The following MAGI1 variants were observed in gnomAD, a reference collection of about 807,000 sequenced individuals.
The protein encoded by MAGI1 is membrane-associated guanylate kinase, WW and PDZ domain-containing protein 1.
In MAGI1, 58 loss-of-function variants were observed where a neutral mutation model predicts 139.9. That is an observed-to-expected ratio of 0.41 (90% confidence interval 0.34 to 0.52). The LOEUF (loss-of-function observed/expected upper bound fraction) is 0.52. Among genes scored for constraint, MAGI1 ranks in the 20% least tolerant of loss-of-function variants. The pLI, the probability that MAGI1 is intolerant of heterozygous loss-of-function variation, is 0.12. For missense variants in MAGI1, 1,874 were observed against 1,901.6 expected (o/e 0.99, Z 0.27); for synonymous variants, 812 against 737.9 (o/e 1.10, Z -1.63).
At chr3:65,866,920 C>T (rs529765205) in intron 1 of MAGI1, among the ~76,000 whole-genome samples, 1 of 152,308 alleles carries the variant, frequency 6.6e-6, no homozygotes, top group South Asian at 2.1e-4. Context: ...GGTCAATCAG[C>T]TGGACTGCTG....
At chr3:65,532,263 C>A (rs943500209) in intron 2 of MAGI1, among the ~76,000 whole-genome samples, 8 of 152,184 alleles carry the variant, frequency 5.3e-5, no homozygotes, top group African/African-American at 1.9e-4. Context: ...GATCTCACTC[C>A]TGCTTTCTTC....
At chr3:65,483,600 C>T (rs969080648) in intron 3 of MAGI1, among the ~76,000 whole-genome samples, 3 of 152,216 alleles carry the variant, frequency 2.0e-5, no homozygotes, top group Non-Finnish European at 2.9e-5. Flanking sequence ...TGCACAGTGT[C>T]TAGGAGCCGT....
intron 1 of MAGI1, among the ~76,000 whole-genome samples, chr3:65,957,460 G>A (rs569203079): frequency 2.7e-5 from 4 of 146,870 alleles, no homozygotes; most frequent in Non-Finnish European, 5.9e-5. Flanking sequence ...GGTGGAGGCT[G>A]CAATAAGCCA....
At chr3:65,543,338 T>C (rs749701856) in intron 2 of MAGI1, among the ~76,000 whole-genome samples, 1 of 152,190 alleles carries the variant, frequency 6.6e-6, no homozygotes, top group Non-Finnish European at 1.5e-5. Flanking sequence ...TGGAAGACAG[T>C]GTGGCAATTC....
At chr3:65,474,622 C>A (rs967894029) in intron 4 of MAGI1, among the ~76,000 whole-genome samples, 2 of 151,908 alleles carry the variant, frequency 1.3e-5, no homozygotes, top group African/African-American at 4.8e-5. Flanking sequence ...TACACACACA[C>A]ACACACACAC....
Position 65,356,791 on chromosome 3 carries a change from G to A in MAGI1, c.3976C>T (p.Arg1326Trp), listed in dbSNP as rs146045041. The change falls in exon 23 of 23, where the codon CGG becomes TGG. Residue 1326 changes from arginine to tryptophan, a missense_variant. Around this residue, in one of 5 missense-constraint regions of MAGI1, gnomAD observed 653 missense variants for 644.5 expected, o/e 1.01. Coordinates refer to ENST00000402939, the MANE Select transcript of MAGI1 (RefSeq NM_001033057.2). Reference protein sequence around the residue: ...NGPKRRSPEKRREGTRSADNT... With the variant: ...NGPKRRSPEKWREGTRSADNT... ...TCGGCGCTGCGGGTGCCCTCCCTCC[G>A]CTTCTCTGGGGACCGCCTCTTGGGG... The A allele has an allele frequency of 3.1e-6, 5 of 1,609,964 alleles. No homozygotes were observed. The highest frequency in any genetic ancestry group is 2.7e-5 in the African/African-American group (2 of 74,714).
rs1317600062 is a variant in MAGI1, at chr3:65,354,469, C to G, written c.*1909G>C. 5 of 152,594 alleles carry G rather than the reference C, an allele frequency of 3.3e-5. No homozygotes were observed. The highest frequency in any genetic ancestry group is 7.3e-5 in the Non-Finnish European group (5 of 68,030). The allele number at this position is 152,594 out of a possible 1,614,324, so 9.5% of individuals were successfully genotyped here. On this transcript the variant is annotated 3_prime_UTR_variant, in exon 23 of 23. Transcript: ENST00000402939. Reference sequence around the variant, plus strand: ...GCATAGTGTTTTATAAAAAGATTGGCCCACATACTGCTTTTCATCAATACA... The same window carrying G: ...GCATAGTGTTTTATAAAAAGATTGGGCCACATACTGCTTTTCATCAATACA...
At chr3:65,687,931 G>C in intron 1 of MAGI1, 1 of 692,440 alleles carries the variant, frequency 1.4e-6, no homozygotes, top group Admixed American at 1.8e-5. Flanking sequence ...CATGCCCGCT[G>C]GTTCAAGGAA....
intron 1 of MAGI1, among the ~76,000 whole-genome samples, chr3:65,998,781 T>C (rs2066590517): frequency 6.6e-6 from 1 of 152,184 alleles, no homozygotes; most frequent in African/African-American, 2.4e-5. Context: ...CAGGGTACTA[T>C]TCCTTTCATC....
In MAGI1 at chr3:65,645,226, T is replaced by C. The variant is rs185896095; in HGVS notation, c.314-23138A>G. Reference sequence around the variant, plus strand: ...TTCAAGAAGGTCAGCAAACCCAAAATAGAATGTTTTAAAAATCCACACCAA... The same window carrying C: ...TTCAAGAAGGTCAGCAAACCCAAAACAGAATGTTTTAAAAATCCACACCAA... On this transcript the variant is annotated intron_variant, in intron 1 of 22. Coordinates refer to ENST00000402939, the MANE Select transcript of MAGI1 (RefSeq NM_001033057.2). Among the ~76,000 whole-genome samples, 78 of 151,956 alleles carry C rather than the reference T, an allele frequency of 5.1e-4. 1 individual carries two copies. Among genetic ancestry groups the C allele is most frequent in the African/African-American group, 5.1e-4 (21 of 41,466 alleles).
chr3:65,710,990 AT>A (rs1209963408), intron 1 of MAGI1, among the ~76,000 whole-genome samples: 1 of 152,146 alleles, frequency 6.6e-6, no homozygotes, highest in Non-Finnish European at 1.5e-5. Flanking sequence ...TTTGTAACTC[AT>A]CCCACTAGAT....
intron 1 of MAGI1, among the ~76,000 whole-genome samples, chr3:65,995,312 G>T (rs1312071359): frequency 6.6e-6 from 1 of 152,202 alleles, no homozygotes; most frequent in Non-Finnish European, 1.5e-5. Flanking sequence ...CTGTCCAGAG[G>T]AGTTCAGCAA....
rs779588733 is a variant in MAGI1, at chr3:65,627,485, C to CTTTTTTTTTTTTTTTT, written c.314-5413_314-5398dup. On this transcript the variant is annotated intron_variant, in intron 1 of 22. Coordinates refer to ENST00000402939, the MANE Select transcript of MAGI1 (RefSeq NM_001033057.2). ...TTGCCGTTATTTTATATTTCTGTAT[C>CTTTTTTTTTTTTTTTT]TTTTTTTTTTTTTTTTTTTTTTTTT... 2.8e-4 allele frequency among the ~76,000 whole-genome samples: 8 copies of CTTTTTTTTTTTTTTTT among 28,354 alleles called. 2 individuals carry two copies. The highest frequency in any genetic ancestry group is 3.5e-4 in the Non-Finnish European group (5 of 14,350). The allele number at this position is 28,354 out of a possible 152,430, so 18.6% of individuals were successfully genotyped here.
intron 1 of MAGI1, among the ~76,000 whole-genome samples, chr3:65,959,867 G>A (rs183005420): frequency 8.1e-5 from 11 of 136,632 alleles, no homozygotes; most frequent in Non-Finnish European, 9.2e-5. Context: ...GTGCAGTGGC[G>A]CAAACTCGGC....
At chr3:65,502,878 G>A (rs984960654) in intron 2 of MAGI1, among the ~76,000 whole-genome samples, 1 of 152,178 alleles carries the variant, frequency 6.6e-6, no homozygotes, top group Admixed American at 6.5e-5. Flanking sequence ...GGAAAGGGCT[G>A]AAAGAAAATC....
chr3:65,998,168 C>G (rs1191252713), intron 1 of MAGI1, among the ~76,000 whole-genome samples: 1 of 149,982 alleles, frequency 6.7e-6, no homozygotes, highest in Non-Finnish European at 1.5e-5. Flanking sequence ...GGCAAATATT[C>G]TCTCCCTCCT....
intron 1 of MAGI1, among the ~76,000 whole-genome samples, chr3:65,759,375 G>A (rs2036830074): frequency 6.6e-6 from 1 of 152,194 alleles, no homozygotes; most frequent in Non-Finnish European, 1.5e-5. Flanking sequence ...AGGAGATAAT[G>A]TTCCTTACAT....
At chr3:65,711,222 T>G (rs1349961671) in intron 1 of MAGI1, among the ~76,000 whole-genome samples, 1 of 152,122 alleles carries the variant, frequency 6.6e-6, no homozygotes, top group Admixed American at 6.5e-5. Flanking sequence ...TCTAGAAGGG[T>G]TGAAATAATT....
At chr3:65,475,461 G>A (rs1427262329) in intron 4 of MAGI1, among the ~76,000 whole-genome samples, 8 of 152,054 alleles carry the variant, frequency 5.3e-5, no homozygotes, top group Admixed American at 1.3e-4. Context: ...TGATCTGCCC[G>A]CCTCAGTTTC....
Sources: allele counts gnomAD v4.1 joint callset (sites outside exome capture counted in the v4.1 genomes callset), GRCh38; gene constraint gnomAD v4.1.1; regional missense constraint gnomAD v4.1.1; transcripts MANE v1.5; gene names NCBI Gene and HGNC (gene_info 2026-07-23, HGNC 2026-07-21).